APBB1IP: variants seen among roughly 807,000 people sequenced by gnomAD.
APBB1IP encodes amyloid beta precursor protein binding family B member 1 interacting protein, also known as amyloid beta A4 precursor protein-binding family B member 1-interacting protein.
In APBB1IP, 27 loss-of-function variants were observed where a neutral mutation model predicts 64.9. The ratio of observed to expected loss-of-function variants is 0.42; its 90% CI spans 0.31 to 0.57. APBB1IP has a LOEUF of 0.57. APBB1IP is among the 20% of genes least tolerant of loss of function. The pLI is 0.20. For synonymous variants in APBB1IP, 392 were observed against 331.0 expected (o/e 1.18, Z -2.00); for missense variants, 812 against 845.5 (o/e 0.96, Z 0.49).
At position 26,560,089 on chromosome 10, in the gene APBB1IP, A is replaced by C; in HGVS notation, c.1156-16A>C. On this transcript the variant is annotated splice_polypyrimidine_tract_variant and intron_variant, in intron 11 of 14. Coordinates refer to ENST00000376236, the MANE Select transcript of APBB1IP (RefSeq NM_019043.4). ...ATGACAAGTGAATACATTGTCTCGA[A>C]ACTGCTTCTTTCTAGCACCCCCAAA... is the stretch of plus-strand genomic sequence containing the variant. 1 of 1,607,454 alleles carries C rather than the reference A, an allele frequency of 6.2e-7. No homozygotes were observed.
intron 8 of APBB1IP, among the ~76,000 whole-genome samples, chr10:26,516,094 G>A (rs1836323161): frequency 6.6e-6 from 1 of 152,040 alleles, no homozygotes; most frequent in South Asian, 2.1e-4. Context: ...AGTTTCTAGG[G>A]GAGTGTAAAC....
At chr10:26,561,064 C>CTTTTTTTTTTTTTTTTTTTTTTTT (rs764573338) in intron 13 of APBB1IP, among the ~76,000 whole-genome samples, 2 of 69,208 alleles carry the variant, frequency 2.9e-5, no homozygotes, top group African/African-American at 5.9e-5. Context: ...TTCTTTCTTT[C>CTTTTTTTTTTTTTTTTTTTTTTTT]TTTTTTTTTT....
At chr10:26,471,305 G>A (rs551252324) in intron 2 of APBB1IP, among the ~76,000 whole-genome samples, 14 of 152,114 alleles carry the variant, frequency 9.2e-5, no homozygotes, top group African/African-American at 2.9e-4. Flanking sequence ...CACTGCACAC[G>A]GGGCTAATTC....
intron 8 of APBB1IP, among the ~76,000 whole-genome samples, chr10:26,524,218 C>T (rs909219619): frequency 2.0e-5 from 3 of 152,090 alleles, no homozygotes; most frequent in Admixed American, 1.3e-4. Flanking sequence ...ACTCTCTGAC[C>T]TCCTCCCTTT....
At chr10:26,518,252 CTATT>C (rs1375544303) in intron 8 of APBB1IP, among the ~76,000 whole-genome samples, 1 of 109,470 alleles carries the variant, frequency 9.1e-6, no homozygotes, top group East Asian at 2.2e-4. Flanking sequence ...CGCGCCCAGC[CTATT>C]TTTTTTTTTT....
intron 2 of APBB1IP, among the ~76,000 whole-genome samples, chr10:26,488,000 C>G (rs531061588): frequency 2.6e-5 from 4 of 152,168 alleles, no homozygotes; most frequent in Admixed American, 2.6e-4. Context: ...CCAATAATTA[C>G]TCTTAATAAT....
chr10:26,446,875 G>A (rs61838426), intron 2 of APBB1IP, among the ~76,000 whole-genome samples: 2 of 151,284 alleles, frequency 1.3e-5, no homozygotes, highest in Non-Finnish European at 2.9e-5. Flanking sequence ...GATAGATAGA[G>A]AGAGAGATAG....
intron 2 of APBB1IP, among the ~76,000 whole-genome samples, chr10:26,482,276 G>A (rs181436888): frequency 4.6e-5 from 7 of 152,244 alleles, no homozygotes; most frequent in South Asian, 2.1e-4. Context: ...GATATAATCC[G>A]TAACTTTAGA....
At chr10:26,565,375 C>G (rs950674170) in intron 14 of APBB1IP, among the ~76,000 whole-genome samples, 54 of 152,134 alleles carry the variant, frequency 3.5e-4, no homozygotes, top group South Asian at 1.0e-3. Flanking sequence ...GGCTTGAGAA[C>G]CAAGGAGTGA....
intron 8 of APBB1IP, 35 bp from the exon 9 acceptor site, chr10:26,533,404 C>T (rs1048434815): frequency 1.5e-6 from 2 of 1,362,302 alleles, no homozygotes; most frequent in Non-Finnish European, 1.0e-6. Context: ...CGGTAATGAA[C>T]ACTTACTGAT....
chr10:26,479,011 T>C (rs1050181127), intron 2 of APBB1IP, among the ~76,000 whole-genome samples: 1 of 151,258 alleles, frequency 6.6e-6, no homozygotes, highest in Non-Finnish European at 1.5e-5. Context: ...TGACCAATTT[T>C]TAAAAATTGA....
intron 2 of APBB1IP, among the ~76,000 whole-genome samples, chr10:26,452,942 T>C (rs560111579): frequency 6.6e-6 from 1 of 152,220 alleles, no homozygotes; most frequent in Admixed American, 6.5e-5. Context: ...ACTCCTACTA[T>C]TCTTTTTAAT....
chr10:26,440,118 C>G (rs907473292), intron 2 of APBB1IP, among the ~76,000 whole-genome samples: 1 of 152,166 alleles, frequency 6.6e-6, no homozygotes, highest in Non-Finnish European at 1.5e-5. Context: ...AATCCTTAAA[C>G]TATTAATAAT....
Position 26,560,715 on chromosome 10 carries a change from G to A in APBB1IP, c.1255-15G>A, listed in dbSNP as rs899725133. ...CATGGATTCCTTTCCTTCTTCCTTT[G>A]TGTTCTCTCCCCAGTATGGGAAGAC... On this transcript the variant is annotated splice_polypyrimidine_tract_variant and intron_variant, in intron 12 of 14. Coordinates refer to ENST00000376236, the MANE Select transcript of APBB1IP (RefSeq NM_019043.4). 6.5e-7 allele frequency: 1 copy of A among 1,549,182 alleles called. No individual in the cohort carries two copies. The highest frequency in any genetic ancestry group is 8.8e-7 in the Non-Finnish European group (1 of 1,142,744).
intron 2 of APBB1IP, among the ~76,000 whole-genome samples, chr10:26,483,734 T>G (rs1320758260): frequency 6.6e-6 from 1 of 152,162 alleles, no homozygotes. Flanking sequence ...TTATTTTGAG[T>G]CAGGGTCTTG....
At chr10:26,501,147 A>G (rs1005720385) in intron 5 of APBB1IP, 36 bp downstream of exon 5, 1 of 1,612,318 alleles carries the variant, frequency 6.2e-7, no homozygotes, top group African/African-American at 1.3e-5. Context: ...AGGACCATCA[A>G]CCTCTGCTAC....
chr10:26,443,413 CA>C (rs71401891), intron 2 of APBB1IP, among the ~76,000 whole-genome samples: 56,570 of 132,466 alleles, frequency 0.43, 10,917 homozygotes, highest in South Asian at 0.52. Flanking sequence ...AACTCTATCT[CA>C]AAAAAAAAAG....
chr10:26,507,158 G>A (rs1266137157), intron 6 of APBB1IP, among the ~76,000 whole-genome samples: 4 of 152,102 alleles, frequency 2.6e-5, no homozygotes, highest in East Asian at 1.9e-4. Context: ...ACCATTTGAG[G>A]GTTTTAAACA....
chr10:26,539,155 A>G (rs1439824041), intron 10 of APBB1IP, among the ~76,000 whole-genome samples: 1 of 152,226 alleles, frequency 6.6e-6, no homozygotes, highest in Admixed American at 6.5e-5. Flanking sequence ...TCATGCCTCT[A>G]ATTCCAGAAC....
Sources: gnomAD v4.1 joint callset for allele counts (sites outside exome capture counted in the v4.1 genomes callset) on GRCh38, gnomAD v4.1.1 for gene constraint, MANE v1.5 for transcripts, NCBI Gene and HGNC (gene_info 2026-07-23, HGNC 2026-07-21) for gene names.